The following PDE8B variants were observed in gnomAD, a reference collection of about 807,000 sequenced individuals.
The protein encoded by PDE8B is high affinity cAMP-specific and IBMX-insensitive 3',5'-cyclic phosphodiesterase 8B.
PDE8B carries 26 observed loss-of-function variants against 101.3 expected under a neutral mutation model. The ratio of observed to expected loss-of-function variants is 0.26; its 90% CI spans 0.19 to 0.36. PDE8B has a LOEUF of 0.36. Among genes scored for constraint, PDE8B ranks in the 10% least tolerant of loss-of-function variants. PDE8B has a pLI of 1.00. For missense variants in PDE8B, 810 were observed against 1,163.1 expected (o/e 0.70, Z 4.42); for synonymous variants, 424 against 429.3 (o/e 0.99, Z 0.15).
the PDE8B span, among the ~76,000 whole-genome samples, chr5:77,108,721 A>G: frequency 1.3e-5 from 2 of 152,118 alleles, no homozygotes; most frequent in Non-Finnish European, 2.9e-5. Context: ...AAAAAATATC[A>G]ATAGTTATTT....
intron 1 of PDE8B, among the ~76,000 whole-genome samples, chr5:77,249,101 A>G (rs1580567789): frequency 1.3e-5 from 2 of 152,210 alleles, no homozygotes; most frequent in African/African-American, 4.8e-5. Flanking sequence ...GTTTCCCAGG[A>G]TTAATCCATT....
chr5:77,290,912 G>A (rs111831796), intron 1 of PDE8B: 4 of 1,607,396 alleles, frequency 2.5e-6, no homozygotes, highest in Non-Finnish European at 3.4e-6. Context: ...ACAACAAGCT[G>A]CTTGGTGCAA....
At chr5:77,197,109 C>CTTTTTTTT in the PDE8B span, among the ~76,000 whole-genome samples, 5 of 94,660 alleles carry the variant, frequency 5.3e-5, no homozygotes, top group Admixed American at 1.3e-4. Flanking sequence ...TTAAAAAAAA[C>CTTTTTTTT]TTTTTTTTTT....
At chr5:77,238,352 G>A (rs905935550) in intron 1 of PDE8B, among the ~76,000 whole-genome samples, 1 of 152,176 alleles carries the variant, frequency 6.6e-6, no homozygotes, top group East Asian at 1.9e-4. Context: ...TTCTAACATT[G>A]AGCCTATCCA....
At chr5:77,426,401 G>T in intron 21 of PDE8B, 44 bp from the exon 22 acceptor site, 1 of 1,307,052 alleles carries the variant, frequency 7.7e-7, no homozygotes, top group Non-Finnish European at 1.1e-6. Context: ...TGCTCCTGGG[G>T]TCTAAGTTCA....
At chr5:77,165,468 G>A in the PDE8B span, 1 of 152,172 alleles carries the variant, frequency 6.6e-6, no homozygotes, top group East Asian at 1.9e-4. Context: ...GACGTACAAG[G>A]CTCCTGCCTA....
the PDE8B span, among the ~76,000 whole-genome samples, chr5:77,101,272 AT>A: frequency 1.3e-5 from 2 of 151,786 alleles, no homozygotes; most frequent in Admixed American, 1.3e-4. Flanking sequence ...CACCAGGTCA[AT>A]TTTTTTCTTT....
chr5:77,354,799 C>T (rs1310152549), intron 10 of PDE8B, among the ~76,000 whole-genome samples: 1 of 152,214 alleles, frequency 6.6e-6, no homozygotes, highest in African/African-American at 2.4e-5. Context: ...CCTACTCTCC[C>T]TGTCACCAGT....
At chr5:77,331,924 A>G (rs1418577956) in intron 5 of PDE8B, among the ~76,000 whole-genome samples, 4 of 152,216 alleles carry the variant, frequency 2.6e-5, no homozygotes, top group Admixed American at 6.5e-5. Flanking sequence ...GGTTGAAACC[A>G]TTAACATCAG....
At chr5:77,280,300 G>T (rs1471216859) in intron 1 of PDE8B, among the ~76,000 whole-genome samples, 1 of 152,146 alleles carries the variant, frequency 6.6e-6, no homozygotes, top group African/African-American at 2.4e-5. Flanking sequence ...CCCCTGGAAG[G>T]ATTGTCAGAC....
chr5:77,325,633 C>T lies in PDE8B; in HGVS notation c.494C>T (p.Pro165Leu), dbSNP rs1775909917. The T allele has an allele frequency of 6.2e-6, 10 of 1,613,382 alleles. No homozygotes were observed. Among genetic ancestry groups the T allele is most frequent in the Non-Finnish European group, 8.5e-6 (10 of 1,179,418 alleles). The change falls in exon 3 of 22, where the codon CCA becomes CTA. Residue 165 changes from proline to leucine, a missense_variant. Around this residue, in one of 4 missense-constraint regions of PDE8B, gnomAD observed 251 missense variants for 378.8 expected, o/e 0.66. Transcript: ENST00000264917. Reference protein sequence around the residue: ...AGYRCNIARTPESALECFLDK... With the variant: ...AGYRCNIARTLESALECFLDK... ...TATAGATGCAATATTGCTCGGACTC[C>T]AGAGTCAGCCCTTGAATGCTTTCTT...
At chr5:77,243,355 G>A (rs1756173206) in intron 1 of PDE8B, among the ~76,000 whole-genome samples, 1 of 152,008 alleles carries the variant, frequency 6.6e-6, no homozygotes, top group Admixed American at 6.6e-5. Context: ...CAGCTTTATT[G>A]GAGTATGCTT....
the PDE8B span, among the ~76,000 whole-genome samples, chr5:77,190,019 G>T: frequency 6.6e-6 from 1 of 152,208 alleles, no homozygotes; most frequent in African/African-American, 2.4e-5. Context: ...GGTGACATTA[G>T]AATATCTCTA....
the PDE8B span, among the ~76,000 whole-genome samples, chr5:77,192,869 C>T: frequency 6.6e-6 from 1 of 152,086 alleles, no homozygotes; most frequent in Non-Finnish European, 1.5e-5. Flanking sequence ...TTCATTTTAG[C>T]CATTTTAGTG....
intron 1 of PDE8B, among the ~76,000 whole-genome samples, chr5:77,306,411 A>G (rs538095499): frequency 2.4e-4 from 37 of 152,236 alleles, no homozygotes; most frequent in Non-Finnish European, 5.0e-4. Context: ...AGAAACTCAC[A>G]GTCTTGCCAA....
At chr5:77,288,881 A>G (rs1429150546) in intron 1 of PDE8B, among the ~76,000 whole-genome samples, 2 of 144,048 alleles carry the variant, frequency 1.4e-5, no homozygotes, top group African/African-American at 5.2e-5. Context: ...AGGTACCCAG[A>G]CCTACATCCC....
intron 1 of PDE8B, among the ~76,000 whole-genome samples, chr5:77,225,848 G>GCGCACA (rs1474982910): frequency 1.4e-5 from 2 of 144,232 alleles, no homozygotes; most frequent in African/African-American, 5.2e-5. Flanking sequence ...ACATGCGCGT[G>GCGCACA]CACACACACA....
At chr5:77,245,752 TATG>T (rs960154739) in intron 1 of PDE8B, among the ~76,000 whole-genome samples, 3 of 151,816 alleles carry the variant, frequency 2.0e-5, no homozygotes, top group African/African-American at 7.3e-5. Context: ...AGTATTTACA[TATG>T]ATAACTTATC....
intron 10 of PDE8B, among the ~76,000 whole-genome samples, chr5:77,372,783 G>A (rs747164019): frequency 1.3e-5 from 2 of 152,128 alleles, no homozygotes; most frequent in African/African-American, 2.4e-5. Flanking sequence ...CGTGGCTCAC[G>A]CCTGTAATCC....
Sources: allele counts gnomAD v4.1 joint callset (sites outside exome capture counted in the v4.1 genomes callset), GRCh38; gene constraint gnomAD v4.1.1; regional missense constraint gnomAD v4.1.1; transcripts MANE v1.5; gene names NCBI Gene and HGNC (gene_info 2026-07-23, HGNC 2026-07-21).